Variants in LRRC7 observed in about 807,000 individuals in gnomAD.
LRRC7 encodes leucine-rich repeat-containing protein 7.
Under a neutral mutation model 175.7 loss-of-function variants are expected in LRRC7, and 23 were observed. The observed-to-expected ratio is 0.13, with a 90% confidence interval of 0.09 to 0.19. LRRC7 has a LOEUF of 0.19. LRRC7 is among the 10% of genes least tolerant of loss of function. The probability of loss-of-function intolerance (pLI) is 1.00; values close to 1 mark genes in which losing one functional copy is unlikely to be tolerated. For missense variants in LRRC7, 1,354 were observed against 1,904.7 expected, an observed-to-expected ratio of 0.71 and a Z score of 5.38; for synonymous variants, 685 against 680.9, an observed-to-expected ratio of 1.01 and a Z score of -0.09.
At chr1:69,901,173 G>T (rs1296674615) in intron 7 of LRRC7, among the ~76,000 whole-genome samples, 2 of 152,164 alleles carry the variant, frequency 1.3e-5, no homozygotes, top group African/African-American at 4.8e-5. Flanking sequence ...CTAGTGAAGA[G>T]GCTGTTACAA....
intron 3 of LRRC7, among the ~76,000 whole-genome samples, chr1:69,789,753 G>T (rs1393983160): frequency 6.6e-6 from 1 of 152,010 alleles, no homozygotes; most frequent in Non-Finnish European, 1.5e-5. Flanking sequence ...AGTCACTTTT[G>T]TGTATAGAAA....
At chr1:70,053,186 C>A in intron 23 of LRRC7, 41 bp downstream of exon 23, 1 of 1,544,394 alleles carries the variant, frequency 6.5e-7, no homozygotes, top group Non-Finnish European at 8.8e-7. Context: ...ATGAACCTTG[C>A]ACAATCTACT....
intron 1 of LRRC7, among the ~76,000 whole-genome samples, chr1:69,601,116 C>T (rs113858851): frequency 0.15 from 23,016 of 151,998 alleles, 1,920 homozygotes; most frequent in Admixed American, 0.19. Flanking sequence ...GTGCCTCGCC[C>T]CTGGTTCTTT....
intron 2 of LRRC7, among the ~76,000 whole-genome samples, chr1:69,707,699 G>A (rs1422965116): frequency 6.6e-6 from 1 of 152,070 alleles, no homozygotes; most frequent in Non-Finnish European, 1.5e-5. Flanking sequence ...AGTCAAACAT[G>A]CATAATAAAA....
At chr1:70,007,604 G>A (rs1656102297) in intron 11 of LRRC7, among the ~76,000 whole-genome samples, 2 of 152,196 alleles carry the variant, frequency 1.3e-5, no homozygotes, top group South Asian at 4.1e-4. Context: ...ATCAGGGTTA[G>A]TTTGAACAAT....
At chr1:70,115,560 C>G (rs1160292138) in intron 26 of LRRC7, among the ~76,000 whole-genome samples, 1 of 152,134 alleles carries the variant, frequency 6.6e-6, no homozygotes, top group Non-Finnish European at 1.5e-5. Flanking sequence ...ATATTTATTA[C>G]ATTTTCTAAT....
At chr1:69,646,616 C>T (rs947365698) in intron 1 of LRRC7, among the ~76,000 whole-genome samples, 1 of 152,110 alleles carries the variant, frequency 6.6e-6, no homozygotes, top group Non-Finnish European at 1.5e-5. Flanking sequence ...GAAGCTGCTG[C>T]CATTAAAGAC....
Position 70,125,786 on chromosome 1 carries a change from C to T in LRRC7, c.*3899C>T, listed in dbSNP as rs1666422449. On this transcript the variant is annotated 3_prime_UTR_variant, in exon 27 of 27. Transcript: ENST00000651989. Reference sequence around the variant, plus strand: ...CAGCCTGGGCGACAGAGCGAGACTCCGTCTCAAAAAAAAAAAAAAAAAAAA... The same window carrying T: ...CAGCCTGGGCGACAGAGCGAGACTCTGTCTCAAAAAAAAAAAAAAAAAAAA... Among the ~76,000 whole-genome samples the T allele has an allele frequency of 1.2e-5, 1 of 86,658 alleles. No individual in the cohort carries two copies. Among genetic ancestry groups the T allele is most frequent in the Admixed American group, 1.1e-4 (1 of 8,996 alleles). 56.9% of individuals were successfully genotyped at this position (86,658 alleles called of 152,430 possible).
intron 11 of LRRC7, among the ~76,000 whole-genome samples, chr1:70,006,884 A>G (rs948756327): frequency 1.3e-5 from 2 of 152,226 alleles, no homozygotes; most frequent in African/African-American, 4.8e-5. Flanking sequence ...AGGGATACAA[A>G]TGAGCAGCCA....
At chr1:70,051,700 T>C (rs966729482) in intron 22 of LRRC7, among the ~76,000 whole-genome samples, 1 of 151,952 alleles carries the variant, frequency 6.6e-6, no homozygotes, top group African/African-American at 2.4e-5. Context: ...AAAAAAGAAT[T>C]CACATAACCA....
At chr1:69,672,651 A>G (rs1164183028) in intron 1 of LRRC7, among the ~76,000 whole-genome samples, 1 of 152,188 alleles carries the variant, frequency 6.6e-6, no homozygotes, top group African/African-American at 2.4e-5. Context: ...CTTTTCCTCC[A>G]GTGAGCCAAT....
intron 7 of LRRC7, among the ~76,000 whole-genome samples, chr1:69,922,835 A>C (rs1646933857): frequency 2.0e-5 from 3 of 151,284 alleles, no homozygotes; most frequent in Admixed American, 2.0e-4. Flanking sequence ...TTATACTTTA[A>C]GTTTTAGGGT....
chr1:70,132,638 A>T lies in LRRC7; in HGVS notation c.*10751A>T, dbSNP rs953096495. Among the ~76,000 whole-genome samples, 1 of 151,376 alleles carries T rather than the reference A, an allele frequency of 6.6e-6. No individual in the cohort carries two copies. Among genetic ancestry groups the T allele is most frequent in the Non-Finnish European group, 1.5e-5 (1 of 67,824 alleles). Reference sequence around the variant, plus strand: ...AGGCGCCTGCCACTGCACCCGGCTAATTTTTTGTATTTTTAGTAGAGACGG... The same window carrying T: ...AGGCGCCTGCCACTGCACCCGGCTATTTTTTTGTATTTTTAGTAGAGACGG... On this transcript the variant is annotated 3_prime_UTR_variant, in exon 27 of 27. Coordinates refer to ENST00000651989, the MANE Select transcript of LRRC7 (RefSeq NM_001370785.2).
chr1:69,834,660 C>A, intron 5 of LRRC7, 120 bp from the exon 6 acceptor site: 2 of 821,688 alleles, frequency 2.4e-6, no homozygotes, highest in East Asian at 5.3e-5. Context: ...TACTGTAATA[C>A]CAAAGGAGAG....
rs549682533 is a variant in LRRC7, at chr1:69,852,823, T to C, written c.647+14540T>C. Among the ~76,000 whole-genome samples the C allele has an allele frequency of 2.0e-5, 3 of 152,306 alleles. No homozygotes were observed. In the East Asian group the frequency reaches 5.8e-4, roughly 29 times the overall value. On this transcript the variant is annotated intron_variant, in intron 7 of 26. Coordinates refer to ENST00000651989, the MANE Select transcript of LRRC7 (RefSeq NM_001370785.2). ...GATGGAATGAATTTCCATAACATTA[T>C]GTAAAATGAAAATGTGTTCTAAAGA...
chr1:69,901,209 A>C (rs935089832), intron 7 of LRRC7, among the ~76,000 whole-genome samples: 2 of 152,320 alleles, frequency 1.3e-5, no homozygotes, highest in Non-Finnish European at 2.9e-5. Context: ...TCATCCAAGA[A>C]GTAAGAAGGG....
chr1:69,717,862 GAAA>G, intron 2 of LRRC7, among the ~76,000 whole-genome samples: 1 of 103,290 alleles, frequency 9.7e-6, no homozygotes, highest in African/African-American at 3.8e-5. Flanking sequence ...AGGAAAGAAA[GAAA>G]GAAAGAAAGA....
At chr1:69,911,147 TC>T (rs1234914567) in intron 7 of LRRC7, among the ~76,000 whole-genome samples, 9 of 152,296 alleles carry the variant, frequency 5.9e-5, no homozygotes, top group African/African-American at 1.9e-4. Flanking sequence ...CCCTTGCGCT[TC>T]CCAAGTGAGG....
intron 8 of LRRC7, among the ~76,000 whole-genome samples, chr1:69,942,582 C>T (rs1397752282): frequency 6.6e-6 from 1 of 151,992 alleles, no homozygotes; most frequent in Non-Finnish European, 1.5e-5. Flanking sequence ...TCTCTTTTCC[C>T]AGCTTCTAGA....
Sources: allele counts gnomAD v4.1 joint callset (sites outside exome capture counted in the v4.1 genomes callset), GRCh38; gene constraint gnomAD v4.1.1; transcripts MANE v1.5; gene names NCBI Gene and HGNC (gene_info 2026-07-23, HGNC 2026-07-21).